The following MCHR2 variants were observed in gnomAD, a reference collection of about 807,000 sequenced individuals.
MCHR2 encodes the protein melanin concentrating hormone receptor 2.
MCHR2 carries 15 observed loss-of-function variants against 24.8 expected under a neutral mutation model. That is an observed-to-expected ratio of 0.60 (90% confidence interval 0.40 to 0.93). MCHR2 has a LOEUF of 0.93. Among genes scored for constraint, MCHR2 ranks in the 40% least tolerant of loss-of-function variants. The pLI is 0.00. For synonymous variants in MCHR2, 151 were observed against 147.6 expected, an observed-to-expected ratio of 1.02 and a Z score of -0.17; for missense variants, 386 against 408.7, an observed-to-expected ratio of 0.94 and a Z score of 0.48.
chr6:99,968,829 A>T (rs1308905167), intron 1 of MCHR2, among the ~76,000 whole-genome samples: 1 of 152,118 alleles, frequency 6.6e-6, no homozygotes, highest in Admixed American at 6.5e-5. Flanking sequence ...TAACAGCAAA[A>T]TGTTCTCCAA....
At chr6:99,960,056 G>A (rs903176463) in intron 1 of MCHR2, among the ~76,000 whole-genome samples, 1 of 151,950 alleles carries the variant, frequency 6.6e-6, no homozygotes, top group Non-Finnish European at 1.5e-5. Flanking sequence ...TACATCAAAA[G>A]AAGTCCACAA....
At chr6:99,981,303 G>A (rs1350522134) in intron 1 of MCHR2, among the ~76,000 whole-genome samples, 1 of 152,134 alleles carries the variant, frequency 6.6e-6, no homozygotes, top group East Asian at 1.9e-4. Context: ...AAATTGACTG[G>A]TACTTTTCTG....
At chr6:99,964,265 G>T (rs1775251892) in intron 1 of MCHR2, among the ~76,000 whole-genome samples, 1 of 152,056 alleles carries the variant, frequency 6.6e-6, no homozygotes, top group Non-Finnish European at 1.5e-5. Context: ...CCTTAGGTAG[G>T]ATATACCTAA....
intron 1 of MCHR2, among the ~76,000 whole-genome samples, chr6:99,989,030 T>G (rs147369792): frequency 6.6e-6 from 1 of 152,202 alleles, no homozygotes; most frequent in African/African-American, 2.4e-5. Context: ...GTCATACTTA[T>G]GAAAACACTT....
intron 5 of MCHR2, among the ~76,000 whole-genome samples, chr6:99,926,132 A>G (rs1282369680): frequency 1.3e-5 from 2 of 152,036 alleles, no homozygotes; most frequent in African/African-American, 2.4e-5. Context: ...ATGATTTCCA[A>G]TTTCATCCAT....
chr6:99,927,759 A>C (rs1436971112), intron 5 of MCHR2, among the ~76,000 whole-genome samples: 1 of 152,074 alleles, frequency 6.6e-6, no homozygotes, highest in Non-Finnish European at 1.5e-5. Flanking sequence ...GGTTTTCTAG[A>C]TATACAATCA....
intron 1 of MCHR2, among the ~76,000 whole-genome samples, chr6:99,960,705 A>G (rs1163033616): frequency 6.6e-6 from 1 of 152,178 alleles, no homozygotes; most frequent in East Asian, 1.9e-4. Context: ...TCTATGACAA[A>G]TCTGACAAAA....
At chr6:99,924,690 C>T (rs947232975) in intron 5 of MCHR2, among the ~76,000 whole-genome samples, 1 of 151,984 alleles carries the variant, frequency 6.6e-6, no homozygotes, top group African/African-American at 2.4e-5. Context: ...TTTGTAATTT[C>T]CATGTGTTTG....
At chr6:99,925,944 A>G (rs957318970) in intron 5 of MCHR2, among the ~76,000 whole-genome samples, 1 of 151,894 alleles carries the variant, frequency 6.6e-6, no homozygotes, top group Admixed American at 6.6e-5. Context: ...TTAACTCGTC[A>G]TTTAGCATTA....
chr6:99,983,863 A>C (rs1484976422), intron 1 of MCHR2, among the ~76,000 whole-genome samples: 1 of 152,174 alleles, frequency 6.6e-6, no homozygotes, highest in Non-Finnish European at 1.5e-5. Context: ...TTATAAGCCA[A>C]TTTGAAGTTA....
chr6:99,993,193 A>G (rs1177673914), intron 1 of MCHR2, among the ~76,000 whole-genome samples: 1 of 152,186 alleles, frequency 6.6e-6, no homozygotes, highest in Non-Finnish European at 1.5e-5. Context: ...TAAAAAATAC[A>G]AGAAGCACAT....
At chr6:99,983,339 G>A (rs1464896582) in intron 1 of MCHR2, among the ~76,000 whole-genome samples, 3 of 152,182 alleles carry the variant, frequency 2.0e-5, no homozygotes, top group Non-Finnish European at 4.4e-5. Context: ...ATACTTAGAT[G>A]TTTGTCTATA....
intron 1 of MCHR2, among the ~76,000 whole-genome samples, chr6:99,985,892 A>G (rs1775759663): frequency 6.6e-6 from 1 of 152,202 alleles, no homozygotes; most frequent in Non-Finnish European, 1.5e-5. Context: ...GACAACCTAC[A>G]GAATAGGCGA....
At chr6:99,972,743 G>T (rs1775455558) in intron 1 of MCHR2, among the ~76,000 whole-genome samples, 1 of 152,144 alleles carries the variant, frequency 6.6e-6, no homozygotes, top group Non-Finnish European at 1.5e-5. Flanking sequence ...ATGTGTCCCA[G>T]AGATTCTGGT....
At chr6:99,958,765 C>T (rs1775119534) in intron 1 of MCHR2, among the ~76,000 whole-genome samples, 1 of 152,176 alleles carries the variant, frequency 6.6e-6, no homozygotes. Flanking sequence ...GTCTCTCTGG[C>T]ACAGTGCCAT....
In MCHR2 at chr6:99,926,075, A is replaced by G. The variant is rs1001659446; in HGVS notation, c.708-4820T>C. Among the ~76,000 whole-genome samples, 4 of 152,060 alleles carry G rather than the reference A, an allele frequency of 2.6e-5. No homozygotes were observed. In the East Asian group the frequency reaches 7.7e-4, roughly 29 times the overall value. ...GTTCAATTCCCACCTATGAGTGAGA[A>G]CATGTGGTGTTTGGTTTTTTGTCCT... On this transcript the variant is annotated intron_variant, in intron 5 of 5. Coordinates refer to ENST00000281806, the MANE Select transcript of MCHR2 (RefSeq NM_001040179.2).
At chr6:99,977,234 C>T (rs1181392719) in intron 1 of MCHR2, among the ~76,000 whole-genome samples, 2 of 152,180 alleles carry the variant, frequency 1.3e-5, no homozygotes, top group African/African-American at 4.8e-5. Flanking sequence ...TGATCTTGAA[C>T]TGTATTAGCT....
intron 1 of MCHR2, among the ~76,000 whole-genome samples, chr6:99,992,653 G>A (rs527936219): frequency 1.3e-5 from 2 of 152,250 alleles, no homozygotes; most frequent in Admixed American, 6.5e-5. Context: ...TACATTGGTG[G>A]TACTTTATTC....
intron 1 of MCHR2, among the ~76,000 whole-genome samples, chr6:99,968,664 C>G (rs1775337166): frequency 6.6e-6 from 1 of 152,040 alleles, no homozygotes; most frequent in African/African-American, 2.4e-5. Context: ...ATACTCTACC[C>G]AACAACAGCA....
Sources: gnomAD v4.1 joint callset for allele counts (sites outside exome capture counted in the v4.1 genomes callset) on GRCh38, gnomAD v4.1.1 for gene constraint, MANE v1.5 for transcripts, NCBI Gene and HGNC (gene_info 2026-07-23, HGNC 2026-07-21) for gene names.